The following SPECC1 variants were observed in gnomAD, a reference collection of about 807,000 sequenced individuals.
SPECC1 encodes the protein sperm antigen with calponin homology and coiled-coil domains 1.
A neutral mutation model predicts 104.1 loss-of-function variants in SPECC1; 62 were observed. The observed-to-expected ratio is 0.60, with a 90% CI of 0.49 to 0.74. The LOEUF (loss-of-function observed/expected upper bound fraction) is 0.74. SPECC1 is among the 30% of genes least tolerant of loss of function. The probability of loss-of-function intolerance (pLI) is 0.00; values close to 1 mark genes in which losing one functional copy is unlikely to be tolerated. For synonymous variants in SPECC1, 513 were observed against 501.6 expected, an observed-to-expected ratio of 1.02 and a Z score of -0.30; for missense variants, 1,306 against 1,310.5, an observed-to-expected ratio of 1.00 and a Z score of 0.05.
At chr17:20,192,097 C>T (rs1202833098) in intron 3 of SPECC1, among the ~76,000 whole-genome samples, 17 of 151,910 alleles carry the variant, frequency 1.1e-4, no homozygotes, top group Admixed American at 1.0e-3. Flanking sequence ...CCACCATGCC[C>T]AGCTAATTTT....
chr17:20,194,502 A>ATTATGTTTTTTTTTTT, intron 3 of SPECC1, among the ~76,000 whole-genome samples: 1 of 86,566 alleles, frequency 1.2e-5, no homozygotes, highest in Non-Finnish European at 2.1e-5. Context: ...AAGAGAACGA[A>ATTATGTTTTTTTTTTT]TTTTTTTTTT....
chr17:20,182,840 C>A (rs1014582733), intron 3 of SPECC1, among the ~76,000 whole-genome samples: 2 of 152,122 alleles, frequency 1.3e-5, no homozygotes, highest in Admixed American at 6.5e-5. Context: ...ATGCTTCATC[C>A]GCTTGGCCAG....
intron 3 of SPECC1, among the ~76,000 whole-genome samples, chr17:20,180,384 A>C (rs1289988132): frequency 6.6e-6 from 1 of 152,240 alleles, no homozygotes; most frequent in Non-Finnish European, 1.5e-5. Flanking sequence ...AGCATTGAAC[A>C]GGACTAAGAG....
intron 12 of SPECC1, among the ~76,000 whole-genome samples, chr17:20,268,822 G>A (rs780279053): frequency 3.1e-4 from 47 of 152,150 alleles, no homozygotes; most frequent in Non-Finnish European, 3.4e-4. Flanking sequence ...CGTGTTTCTG[G>A]TTGGTTTTCT....
chr17:20,249,024 T>C (rs2039526132), intron 9 of SPECC1, among the ~76,000 whole-genome samples: 1 of 152,210 alleles, frequency 6.6e-6, no homozygotes, highest in Non-Finnish European at 1.5e-5. Context: ...AACTGCCTTC[T>C]GGAAGCAGAA....
At chr17:20,240,568 C>T (rs1394284165) in intron 7 of SPECC1, among the ~76,000 whole-genome samples, 1 of 151,914 alleles carries the variant, frequency 6.6e-6, no homozygotes, top group African/African-American at 2.4e-5. Context: ...CCATTTGATC[C>T]ACCTCTCTTT....
chr17:20,268,119 G>A (rs1158948954), intron 12 of SPECC1, among the ~76,000 whole-genome samples: 1 of 152,184 alleles, frequency 6.6e-6, no homozygotes, highest in Non-Finnish European at 1.5e-5. Flanking sequence ...CAGATCAAAA[G>A]AAAGAAGAGT....
chr17:20,060,853 T>C (rs2046159922), intron 1 of SPECC1, among the ~76,000 whole-genome samples: 2 of 152,208 alleles, frequency 1.3e-5, no homozygotes, highest in Non-Finnish European at 1.5e-5. Flanking sequence ...TTAACAGATA[T>C]AAACATAAAC....
At chr17:20,067,519 C>G (rs1192174566) in intron 1 of SPECC1, 1 of 152,110 alleles carries the variant, frequency 6.6e-6, no homozygotes, top group African/African-American at 2.4e-5. Flanking sequence ...CTACTGCATA[C>G]ACTTTACAAT....
At chr17:20,216,445 C>T (rs1468190055) in intron 4 of SPECC1, among the ~76,000 whole-genome samples, 1 of 152,172 alleles carries the variant, frequency 6.6e-6, no homozygotes, top group Non-Finnish European at 1.5e-5. Flanking sequence ...CCAGGCTTAA[C>T]TTTATCTTCC....
intron 1 of SPECC1, among the ~76,000 whole-genome samples, chr17:20,069,872 ATAC>A (rs2046485886): frequency 6.6e-6 from 1 of 152,022 alleles, no homozygotes; most frequent in South Asian, 2.1e-4. Context: ...ATTCTTTTTG[ATAC>A]TACTATAAAT....
chr17:20,238,123 T>G, intron 7 of SPECC1: 1 of 1,029,432 alleles, frequency 9.7e-7, no homozygotes, highest in Middle Eastern at 4.6e-4. Context: ...CTCCAAGCTT[T>G]GGGTTGATTT....
intron 3 of SPECC1, chr17:20,111,919 T>G: frequency 1.3e-6 from 1 of 788,384 alleles, no homozygotes; most frequent in Admixed American, 1.7e-5. Flanking sequence ...CTGTGGCCAG[T>G]GGTAAACTTG....
intron 1 of SPECC1, among the ~76,000 whole-genome samples, chr17:20,079,473 T>C (rs527562729): frequency 6.6e-6 from 1 of 152,240 alleles, no homozygotes; most frequent in South Asian, 2.1e-4. Flanking sequence ...CTAATTTATT[T>C]ATTTGTAGGT....
chr17:20,106,232 T>C (rs2092527675), intron 2 of SPECC1, among the ~76,000 whole-genome samples: 1 of 152,200 alleles, frequency 6.6e-6, no homozygotes, highest in African/African-American at 2.4e-5. Context: ...AGTGTGCTTC[T>C]TGGAAGAGTG....
intron 1 of SPECC1, among the ~76,000 whole-genome samples, chr17:20,058,482 A>AC (rs2046052095): frequency 1.3e-5 from 2 of 151,898 alleles, no homozygotes; most frequent in South Asian, 4.2e-4. Flanking sequence ...ACATGGTGAG[A>AC]CCCCCATCTC....
At chr17:20,013,985 C>T (rs1041693222) in intron 1 of SPECC1, among the ~76,000 whole-genome samples, 2 of 152,134 alleles carry the variant, frequency 1.3e-5, no homozygotes, top group African/African-American at 4.8e-5. Flanking sequence ...GAGTGTGTAT[C>T]TGGGAGTGGA....
intron 1 of SPECC1, among the ~76,000 whole-genome samples, chr17:20,011,965 G>C (rs570156987): frequency 1.2e-4 from 19 of 152,196 alleles, no homozygotes; most frequent in South Asian, 8.3e-4. Context: ...ACATTCTTTA[G>C]AAATTACTTC....
At chr17:20,163,185 T>C (rs182024068) in intron 3 of SPECC1, among the ~76,000 whole-genome samples, 165 of 152,350 alleles carry the variant, frequency 1.1e-3, no homozygotes, top group Middle Eastern at 6.8e-3. Context: ...AAATCAAATA[T>C]ATATACTGCA....
Sources: gnomAD v4.1 joint callset for allele counts (sites outside exome capture counted in the v4.1 genomes callset) on GRCh38, gnomAD v4.1.1 for gene constraint, MANE v1.5 for transcripts, NCBI Gene and HGNC (gene_info 2026-07-23, HGNC 2026-07-21) for gene names.